PPP3CA: variants seen among roughly 807,000 people sequenced by gnomAD.
PPP3CA encodes the protein CAM-PRP catalytic subunit.
PPP3CA carries 14 observed loss-of-function variants against 66.5 expected under a neutral mutation model. The ratio of observed to expected loss-of-function variants is 0.21; its 90% CI spans 0.14 to 0.33. The LOEUF (loss-of-function observed/expected upper bound fraction) is 0.33. PPP3CA is among the 10% of genes least tolerant of loss of function. PPP3CA has a pLI of 1.00. For synonymous variants in PPP3CA, 232 were observed against 226.2 expected, an observed-to-expected ratio of 1.03 and a Z score of -0.23; for missense variants, 317 against 639.5, an observed-to-expected ratio of 0.50 and a Z score of 5.44.
In PPP3CA at chr4:101,191,817, A is replaced by C. The variant is rs148726484; in HGVS notation, c.259+4099T>G. ...CAGTCCACTCTCACATCCAGGAACA[A>C]AGCCAGAGGGTTCTCCTGGCAACTG... On this transcript the variant is annotated intron_variant, in intron 2 of 13. Transcript: ENST00000394854. Among the ~76,000 whole-genome samples, 742 of 152,232 alleles carry C rather than the reference A, an allele frequency of 4.9e-3. 4 individuals are homozygous for C. Among genetic ancestry groups the C allele is most frequent in the African/African-American group, 0.017 (695 of 41,534 alleles).
At chr4:101,330,464 G>T (rs761989724) in intron 1 of PPP3CA, 17 of 528,106 alleles carry the variant, frequency 3.2e-5, no homozygotes, top group Non-Finnish European at 2.7e-5. Context: ...GACACTGACA[G>T]TTCAGATGAT....
chr4:101,273,997 T>C (rs764611607), intron 1 of PPP3CA, among the ~76,000 whole-genome samples: 59 of 152,240 alleles, frequency 3.9e-4, no homozygotes, highest in African/African-American at 1.4e-3. Context: ...AATAACTCTT[T>C]AAGTAGCATA....
At chr4:101,075,099 G>C (rs1055672714) in intron 8 of PPP3CA, among the ~76,000 whole-genome samples, 1 of 152,116 alleles carries the variant, frequency 6.6e-6, no homozygotes, top group Non-Finnish European at 1.5e-5. Flanking sequence ...GAACAGTATG[G>C]GGGAAACCAC....
chr4:101,069,203 A>G (rs527406971), intron 8 of PPP3CA, among the ~76,000 whole-genome samples: 1 of 152,152 alleles, frequency 6.6e-6, no homozygotes, highest in South Asian at 2.1e-4. Flanking sequence ...CCTGGCTCAT[A>G]ATGACTAAAT....
intron 1 of PPP3CA, among the ~76,000 whole-genome samples, chr4:101,251,347 A>C (rs912937410): frequency 8.5e-5 from 13 of 152,214 alleles, no homozygotes; most frequent in African/African-American, 3.1e-4. Flanking sequence ...GGCCTTAGAA[A>C]TCTTTACTTA....
intron 11 of PPP3CA, among the ~76,000 whole-genome samples, chr4:101,039,835 G>A (rs1310554932): frequency 1.4e-5 from 2 of 144,264 alleles, no homozygotes; most frequent in Non-Finnish European, 3.1e-5. Context: ...TGAATTGACT[G>A]TAGACTCCTT....
At chr4:101,174,190 C>A (rs1273912897) in intron 2 of PPP3CA, among the ~76,000 whole-genome samples, 1 of 151,908 alleles carries the variant, frequency 6.6e-6, no homozygotes, top group African/African-American at 2.4e-5. Context: ...TTTTCAAAAT[C>A]TTTTAATATA....
intron 1 of PPP3CA, among the ~76,000 whole-genome samples, chr4:101,242,768 A>G (rs1264886109): frequency 6.6e-6 from 1 of 152,158 alleles, no homozygotes; most frequent in Non-Finnish European, 1.5e-5. Flanking sequence ...TCTCTACAAA[A>G]AAATAAAATA....
chr4:101,091,571 T>A lies in PPP3CA; in HGVS notation c.782+2205A>T, dbSNP rs1377962435. ...GATTTTCTATTCATGAACTTTAATT[T>A]ATCAATCACATCAACAGATAGAAAA... is the stretch of plus-strand genomic sequence containing the variant. On this transcript the variant is annotated intron_variant, in intron 6 of 13. Transcript: ENST00000394854. Among the ~76,000 whole-genome samples, 20 of 152,158 alleles carry A rather than the reference T, an allele frequency of 1.3e-4. 1 individual carries two copies. The South Asian group carries it at 3.9e-3, about 30-fold the overall frequency.
chr4:101,225,457 C>T lies in PPP3CA; in HGVS notation c.59-29341G>A, dbSNP rs1725751913. On this transcript the variant is annotated intron_variant, in intron 1 of 13. Transcript: ENST00000394854. ...CAGTAATAAATAGTTCTTTACAAGC[C>T]TTGGTTACCAAGAGATGATTTAAAA... Among the ~76,000 whole-genome samples, 3 of 151,908 alleles carry T rather than the reference C, an allele frequency of 2.0e-5. No individual in the cohort carries two copies. The South Asian group carries it at 6.2e-4, about 31-fold the overall frequency.
chr4:101,028,209 C>CA (rs1417158608), intron 13 of PPP3CA, among the ~76,000 whole-genome samples: 2 of 151,992 alleles, frequency 1.3e-5, no homozygotes, highest in East Asian at 3.8e-4. Context: ...CTTGCAAGAA[C>CA]AAAATACAAC....
chr4:101,046,437 G>A (rs1727769681), intron 10 of PPP3CA, among the ~76,000 whole-genome samples: 1 of 151,862 alleles, frequency 6.6e-6, no homozygotes, highest in South Asian at 2.1e-4. Context: ...TTATCATTTA[G>A]GCTTCTTTCT....
intron 2 of PPP3CA, among the ~76,000 whole-genome samples, chr4:101,170,033 C>T (rs1230278773): frequency 6.6e-6 from 1 of 152,052 alleles, no homozygotes; most frequent in Non-Finnish European, 1.5e-5. Flanking sequence ...CTATAGTTTT[C>T]CATATAAAAT....
chr4:101,339,160 T>G (rs897482785), intron 1 of PPP3CA, among the ~76,000 whole-genome samples: 2 of 152,214 alleles, frequency 1.3e-5, no homozygotes, highest in Admixed American at 6.5e-5. Flanking sequence ...AAGGCAGCAT[T>G]TCTGGATTAC....
intron 1 of PPP3CA, among the ~76,000 whole-genome samples, chr4:101,342,466 C>G (rs766647567): frequency 2.0e-5 from 3 of 152,060 alleles, no homozygotes; most frequent in African/African-American, 7.2e-5. Flanking sequence ...TAACTCGTAA[C>G]GAACAGGATG....
intron 2 of PPP3CA, among the ~76,000 whole-genome samples, chr4:101,173,764 GA>G (rs945814946): frequency 4.0e-5 from 6 of 151,750 alleles, no homozygotes; most frequent in East Asian, 3.9e-4. Flanking sequence ...ATTTCATTAA[GA>G]AAAAAAAGAG....
intron 1 of PPP3CA, among the ~76,000 whole-genome samples, chr4:101,288,389 G>A (rs1727909768): frequency 6.6e-6 from 1 of 152,038 alleles, no homozygotes; most frequent in Non-Finnish European, 1.5e-5. Context: ...CCCAAAAATT[G>A]CAAGGCTGTC....
At chr4:101,306,601 G>C in intron 1 of PPP3CA, among the ~76,000 whole-genome samples, 1 of 152,118 alleles carries the variant, frequency 6.6e-6, no homozygotes, top group Non-Finnish European at 1.5e-5. Flanking sequence ...TAAGAGAAGA[G>C]AGAGAACACA....
chr4:101,156,893 T>C (rs1401687484), intron 2 of PPP3CA, among the ~76,000 whole-genome samples: 1 of 152,202 alleles, frequency 6.6e-6, no homozygotes. Flanking sequence ...GTGCAAAACG[T>C]TATTTTAGCA....
Sources: allele counts gnomAD v4.1 joint callset (sites outside exome capture counted in the v4.1 genomes callset), GRCh38; gene constraint gnomAD v4.1.1; transcripts MANE v1.5; gene names NCBI Gene and HGNC (gene_info 2026-07-23, HGNC 2026-07-21).